Variants in WDR31 observed in about 807,000 individuals in gnomAD.
WDR31 encodes WD repeat-containing protein 31.
A neutral mutation model predicts 47.3 loss-of-function variants in WDR31; 30 were observed. The observed-to-expected ratio is 0.63, with a 90% CI of 0.47 to 0.86. WDR31 has a LOEUF of 0.86. Among genes scored for constraint, WDR31 ranks in the 40% least tolerant of loss-of-function variants. The pLI is 0.00. For synonymous variants in WDR31, 137 were observed against 159.4 expected (o/e 0.86, Z 1.06); for missense variants, 406 against 442.9 (o/e 0.92, Z 0.75).
chr9:113,333,405 C>G (rs1290502770), intron 2 of WDR31, among the ~76,000 whole-genome samples: 1 of 130,774 alleles, frequency 7.6e-6, no homozygotes, highest in Non-Finnish European at 1.6e-5. Context: ...GACGGAGTCT[C>G]GCTCTGTCGC....
intron 5 of WDR31, among the ~76,000 whole-genome samples, chr9:113,323,413 C>T (rs1486013553): frequency 1.3e-5 from 2 of 152,160 alleles, no homozygotes; most frequent in Non-Finnish European, 2.9e-5. Flanking sequence ...AGGCACCAGC[C>T]ACCACGCCCA....
intron 5 of WDR31, among the ~76,000 whole-genome samples, chr9:113,327,675 A>G (rs1382646869): frequency 6.6e-6 from 1 of 150,376 alleles, no homozygotes; most frequent in Admixed American, 6.6e-5. Context: ...ATTTTTGGTC[A>G]AGATGGGGTC....
chr9:113,319,373 C>T (rs1833278081), intron 9 of WDR31, among the ~76,000 whole-genome samples: 1 of 152,118 alleles, frequency 6.6e-6, no homozygotes, highest in South Asian at 2.1e-4. Context: ...GCTGCAACAC[C>T]CCAATCTACC....
intron 1 of WDR31, among the ~76,000 whole-genome samples, chr9:113,337,291 G>C (rs568111069): frequency 6.6e-6 from 1 of 151,940 alleles, no homozygotes; most frequent in Admixed American, 6.6e-5. Flanking sequence ...ACCAGGAACT[G>C]CTCTATGTTT....
At chr9:113,339,380 A>G (rs1422430700) in intron 1 of WDR31, among the ~76,000 whole-genome samples, 1 of 152,078 alleles carries the variant, frequency 6.6e-6, no homozygotes, top group Non-Finnish European at 1.5e-5. Context: ...GCAAATGCTG[A>G]TATCTTATCT....
chr9:113,326,470 C>CT (rs1833472956), intron 5 of WDR31, among the ~76,000 whole-genome samples: 1 of 143,350 alleles, frequency 7.0e-6, no homozygotes, highest in African/African-American at 2.6e-5. Flanking sequence ...TTCCTCCCTC[C>CT]TTCTTTCTTT....
intron 9 of WDR31, among the ~76,000 whole-genome samples, chr9:113,319,869 C>T (rs564854399): frequency 1.3e-5 from 2 of 152,300 alleles, no homozygotes; most frequent in Non-Finnish European, 2.9e-5. Context: ...CTGTGTTTAG[C>T]TCCTCCCCAT....
intron 1 of WDR31, among the ~76,000 whole-genome samples, chr9:113,339,470 A>G (rs527304027): frequency 6.6e-6 from 1 of 152,258 alleles, no homozygotes; most frequent in African/African-American, 2.4e-5. Context: ...TCGCCAAAAC[A>G]ATGCTCAAAG....
intron 8 of WDR31, 145 bp downstream of exon 8, chr9:113,321,366 G>A: frequency 1.4e-6 from 1 of 738,644 alleles, no homozygotes; most frequent in African/African-American, 1.8e-5. Context: ...AAGCAGAGAG[G>A]CCCCAGCACC....
intron 10 of WDR31, among the ~76,000 whole-genome samples, chr9:113,317,499 C>T (rs1833231872): frequency 6.6e-6 from 1 of 152,226 alleles, no homozygotes; most frequent in African/African-American, 2.4e-5. Flanking sequence ...AACATCTGCT[C>T]TTTTTCCTCA....
Position 113,320,381 on chromosome 9 carries a change from A to G in WDR31, c.756T>C (p.Phe252=). Residue 252 remains phenylalanine (F), a synonymous_variant, in exon 9 of 11, where the codon TTT becomes TTC. Coordinates refer to ENST00000374193, the MANE Select transcript of WDR31 (RefSeq NM_001012361.4). ...CCGTGGCTTCACAGCCTTCTCCTCC[A>G]AAGCCATTGCTGCAGGAGATACACT... ...GHKCISCSNG[F]GGEGCEATLW... is the part of the protein sequence containing the mutation. 1 of 1,614,240 alleles carries G rather than the reference A, an allele frequency of 6.2e-7. No individual in the cohort carries two copies. The highest frequency in any genetic ancestry group is 8.5e-7 in the Non-Finnish European group (1 of 1,180,022).
chr9:113,318,658 C>T, intron 9 of WDR31, 21 bp from the exon 10 acceptor site: 6 of 1,613,268 alleles, frequency 3.7e-6, no homozygotes, highest in Non-Finnish European at 5.1e-6. Flanking sequence ...ATGACATGGA[C>T]CAGCTCATAG....
chr9:113,328,960 A>C lies in WDR31; in HGVS notation c.250-5T>G. On this transcript the variant is annotated splice_polypyrimidine_tract_variant and splice_region_variant and intron_variant, in intron 4 of 10. Coordinates refer to ENST00000374193, the MANE Select transcript of WDR31 (RefSeq NM_001012361.4). Reference sequence around the variant, plus strand: ...CCAATTATAGGCCACAACTGTCTGAAGAGAGTGAAGATTGTAGTTTCATTA... The same window carrying C: ...CCAATTATAGGCCACAACTGTCTGACGAGAGTGAAGATTGTAGTTTCATTA... 2.5e-6 allele frequency: 4 copies of C among 1,612,636 alleles called. No homozygotes were observed. Among genetic ancestry groups the C allele is most frequent in the Non-Finnish European group, 3.4e-6 (4 of 1,178,664 alleles).
chr9:113,316,956 C>A (rs1235366556), intron 10 of WDR31, 47 bp from the exon 11 acceptor site: 3 of 1,589,090 alleles, frequency 1.9e-6, no homozygotes, highest in Non-Finnish European at 2.6e-6. Context: ...AGTGTAGCAT[C>A]ATGAAATGTG....
At position 113,318,637 on chromosome 9, in the gene WDR31, A is replaced by C; in HGVS notation, c.781T>G (p.Leu261Val). The change falls in exon 10 of 11, where the codon TTG (leucine) becomes GTG (valine). Residue 261 changes from leucine to valine, a missense_variant and splice_region_variant. By Grantham distance (32) the Leu-to-Val change is conservative. Coordinates refer to ENST00000374193, the MANE Select transcript of WDR31 (RefSeq NM_001012361.4). ...GFGGEGCEATLWDLRQTRNRI... is the reference protein window; with the variant it reads ...GFGGEGCEATVWDLRQTRNRI... ...TTTCGAGTCTGTCTTAGGTCCCACA[A>C]CTGCAAAGTAATGACATGGACCAGC... The C allele has an allele frequency of 6.2e-7, 1 of 1,614,038 alleles. No homozygotes were observed. The highest frequency in any genetic ancestry group is 1.3e-5 in the African/African-American group (1 of 75,036).
Position 113,320,112 on chromosome 9 carries a change from G to A in WDR31, c.780+245C>T, listed in dbSNP as rs190784096. Among the ~76,000 whole-genome samples the A allele has an allele frequency of 2.5e-3, 381 of 152,226 alleles. 3 individuals are homozygous for A. The highest frequency in any genetic ancestry group is 8.7e-3 in the African/African-American group (362 of 41,524). ...CTTTTTATTTTTTTATAGAGACAGG[G>A]TCTTGCTCTGTTGCCCAAGCTAGTC... On this transcript the variant is annotated intron_variant, in intron 9 of 10. Transcript: ENST00000374193.
intron 7 of WDR31, among the ~76,000 whole-genome samples, chr9:113,322,176 A>G (rs905245448): frequency 6.6e-6 from 1 of 151,672 alleles, no homozygotes; most frequent in Non-Finnish European, 1.5e-5. Flanking sequence ...CACATCTAGT[A>G]TCTGAATTCA....
rs950438575 is a variant in WDR31, at chr9:113,317,124, A to C, written c.944-215T>G. On this transcript the variant is annotated intron_variant, in intron 10 of 10. Coordinates refer to ENST00000374193, the MANE Select transcript of WDR31 (RefSeq NM_001012361.4). ...GTAGAGAATGGCACACGGGCCAAAC[A>C]GGATGCATACCATCACCAAGAAGTG... is the stretch of plus-strand genomic sequence containing the variant. Among the ~76,000 whole-genome samples the C allele has an allele frequency of 3.3e-5, 5 of 152,220 alleles. 1 individual carries two copies. Among genetic ancestry groups the C allele is most frequent in the African/African-American group, 9.6e-5 (4 of 41,454 alleles).
In WDR31 at chr9:113,316,896, G is replaced by A; in HGVS notation, c.957C>T (p.Thr319=). The change falls in exon 11 of 11, where the codon ACC becomes ACT. Residue 319 remains threonine (T), a synonymous_variant. Transcript: ENST00000374193. ...WNQDTGACLF[T]LSLDGSGPLT... ...AGGGTCCTGATCCATCCAGAGACAA[G>A]GTGAAAAGGCAGGCTGGGGGGGAAA... 5 of 1,613,798 alleles carry A rather than the reference G, an allele frequency of 3.1e-6. No homozygotes were observed. Among genetic ancestry groups the A allele is most frequent in the Non-Finnish European group, 4.2e-6 (5 of 1,179,886 alleles).
Sources: allele counts gnomAD v4.1 joint callset (sites outside exome capture counted in the v4.1 genomes callset), GRCh38; gene constraint gnomAD v4.1.1; transcripts MANE v1.5; gene names NCBI Gene and HGNC (gene_info 2026-07-23, HGNC 2026-07-21).